STIP1: variants seen among roughly 807,000 people sequenced by gnomAD.
STIP1 encodes stress-induced-phosphoprotein 1.
A neutral mutation model predicts 77.4 loss-of-function variants in STIP1; 16 were observed. The observed-to-expected ratio is 0.21, with a 90% CI of 0.14 to 0.31. The LOEUF (loss-of-function observed/expected upper bound fraction) is 0.31. STIP1 is among the 10% of genes least tolerant of loss of function. The pLI is 1.00. For synonymous variants in STIP1, 258 were observed against 246.6 expected, an observed-to-expected ratio of 1.05 and a Z score of -0.44; for missense variants, 524 against 684.8, an observed-to-expected ratio of 0.77 and a Z score of 2.62.
rs1213744307 is a variant in STIP1 at position 64,191,298 on chromosome 11, G to A, written c.10-1780G>A. Among the ~76,000 whole-genome samples, 6 of 151,556 alleles carry A rather than the reference G, an allele frequency of 4.0e-5. No individual in the cohort carries two copies. In the East Asian group the frequency reaches 1.2e-3, roughly 30 times the overall value. On this transcript the variant is annotated intron_variant, in intron 1 of 13. Transcript: ENST00000305218. ...GCACTCCAGGCTGGTAACAGAGTGA[G>A]ATGCCATCTTTAAAAAAAAATAAAT... is the stretch of plus-strand genomic sequence containing the variant.
chr11:64,185,914 C>A (rs545010478), upstream of STIP1: 45 of 1,536,268 alleles, frequency 2.9e-5, no homozygotes, highest in Admixed American at 2.7e-4. Context: ...ATTGGCAGTG[C>A]AAAAGACCAA....
At position 64,195,910 on chromosome 11, in the gene STIP1, T is replaced by G. The variant is rs931385370; in HGVS notation, c.672+97T>G. 2.0e-6 allele frequency: 3 copies of G among 1,535,500 alleles called. No homozygotes were observed. In the African/African-American group the frequency reaches 4.1e-5, roughly 21 times the overall value. On this transcript the variant is annotated intron_variant, in intron 5 of 13. Transcript: ENST00000305218. Reference sequence around the variant, plus strand: ...TCTGTTGACCTTGATTGACCATGATTATTATGGTTTTTTTAGAGACGGAGT... The same window carrying G: ...TCTGTTGACCTTGATTGACCATGATGATTATGGTTTTTTTAGAGACGGAGT...
chr11:64,200,006 A>G lies in STIP1; in HGVS notation c.1090A>G (p.Lys364Glu), dbSNP rs755361367. The change falls in exon 9 of 14, where the codon AAG becomes GAG. Residue 364 changes from lysine to glutamate, a missense_variant. Physicochemically the swap from Lys to Glu is moderately conservative, Grantham distance 56 (BLOSUM62 1). Coordinates refer to ENST00000305218, the MANE Select transcript of STIP1 (RefSeq NM_006819.3). Reference sequence around the variant, plus strand: ...AAACCCCGACCTGGCTTTGGAGGAGAAGAACAAAGGCAACGAGTGTTTTCA... The same window carrying G: ...AAACCCCGACCTGGCTTTGGAGGAGGAGAACAAAGGCAACGAGTGTTTTCA... ...YINPDLALEE[K>E]NKGNECFQKG... 6.2e-7 allele frequency: 1 copy of G among 1,614,042 alleles called. No homozygotes were observed. The highest frequency in any genetic ancestry group is 8.5e-7 in the Non-Finnish European group (1 of 1,180,044).
rs982646709 is a variant in STIP1 at position 64,204,183 on chromosome 11, C to T, written c.*57C>T. ...CATGTGGAAAGAGGAGCTGGGACCG[C>T]GGCGAGCAGCACGGAGCGGAAGGGA... is the stretch of plus-strand genomic sequence containing the variant. On this transcript the variant is annotated 3_prime_UTR_variant, in exon 14 of 14. Coordinates refer to ENST00000305218, the MANE Select transcript of STIP1 (RefSeq NM_006819.3). 35 of 1,580,068 alleles carry T rather than the reference C, an allele frequency of 2.2e-5. No homozygotes were observed. The highest frequency in any genetic ancestry group is 3.4e-5 in the Admixed American group (2 of 59,386).
chr11:64,200,889 C>T (rs948990460), intron 10 of STIP1, among the ~76,000 whole-genome samples: 37 of 152,172 alleles, frequency 2.4e-4, no homozygotes, highest in African/African-American at 8.7e-4. Flanking sequence ...ACTGCAACCA[C>T]CATCTCCCGG....
At chr11:64,200,630 A>G (rs1310531123) in intron 10 of STIP1, among the ~76,000 whole-genome samples, 2 of 143,550 alleles carry the variant, frequency 1.4e-5, no homozygotes, top group African/African-American at 5.2e-5. Context: ...TGTGTGTGTA[A>G]AATATGGGAC....
intron 10 of STIP1, 33 bp from the exon 11 acceptor site, chr11:64,202,843 T>C (rs754602404): frequency 1.2e-6 from 2 of 1,612,206 alleles, no homozygotes; most frequent in Admixed American, 1.7e-5. Context: ...TCCAAGGGAA[T>C]GAGCCTAATT....
In STIP1 at chr11:64,204,502, G is replaced by A. The variant is rs191268570; in HGVS notation, c.*376G>A. 70 of 250,158 alleles carry A rather than the reference G, an allele frequency of 2.8e-4. No individual in the cohort carries two copies. The highest frequency in any genetic ancestry group is 8.1e-4 in the Admixed American group (15 of 18,490). 15.5% of individuals were successfully genotyped at this position (250,158 alleles called of 1,614,324 possible). A position where few individuals can be genotyped will look rare whatever the true frequency, so the allele number is the denominator to read the frequency against. On this transcript the variant is annotated 3_prime_UTR_variant, in exon 14 of 14. Transcript: ENST00000305218. ...AGCTGTCTCACGTTGTTTATTCTGCGTCCCCTTCTCCAATAAAACAAGCCA... is the reference window on the plus strand; with the variant it reads ...AGCTGTCTCACGTTGTTTATTCTGCATCCCCTTCTCCAATAAAACAAGCCA...
upstream of STIP1, chr11:64,186,168 G>T (rs934382649): frequency 2.7e-5 from 42 of 1,550,188 alleles, no homozygotes; most frequent in Non-Finnish European, 3.7e-5. Flanking sequence ...CCGGGGTCCC[G>T]GTAGCTTCTA....
At chr11:64,197,713 G>C (rs1946166616) in intron 7 of STIP1, 118 bp downstream of exon 7, 2 of 1,549,180 alleles carry the variant, frequency 1.3e-6, no homozygotes, top group Non-Finnish European at 1.8e-6. Context: ...TTAAGAAAGG[G>C]CTGGCAAGAA....
chr11:64,193,088 T>A lies in STIP1; in HGVS notation c.20T>A (p.Leu7Gln). The change falls in exon 2 of 14, where the codon CTG becomes CAG. Residue 7 changes from leucine to glutamine, a missense_variant. Transcript: ENST00000305218. ...TTCCTTTCCCCTCAGGTCAATGAGC[T>A]GAAGGAGAAAGGCAACAAGGCCCTG... MEQVNE[L>Q]KEKGNKALSV... 1 of 1,614,124 alleles carries A rather than the reference T, an allele frequency of 6.2e-7. No individual in the cohort carries two copies. Among genetic ancestry groups the A allele is most frequent in the Non-Finnish European group, 8.5e-7 (1 of 1,180,010 alleles).
At chr11:64,196,556 C>T (rs922257012) in intron 5 of STIP1, among the ~76,000 whole-genome samples, 5 of 152,246 alleles carry the variant, frequency 3.3e-5, no homozygotes, top group Non-Finnish European at 1.5e-5. Flanking sequence ...GAGTAATTCA[C>T]GTCCTTGTCG....
rs1448323830 is a variant in STIP1, at chr11:64,203,246, C to T, written c.1386+18C>T. ...GCTGTAAGGTGGGGCTGCTTCTGGC[C>T]TCCAGGGGCCCCCCCTGCCTCTTTC... On this transcript the variant is annotated intron_variant, in intron 12 of 13. Transcript: ENST00000305218. 6.2e-7 allele frequency: 1 copy of T among 1,612,688 alleles called. No homozygotes were observed. Among genetic ancestry groups the T allele is most frequent in the African/African-American group, 1.3e-5 (1 of 74,934 alleles).
Position 64,204,195 on chromosome 11 carries a change from C to A in STIP1, c.*69C>A. On this transcript the variant is annotated 3_prime_UTR_variant, in exon 14 of 14. Transcript: ENST00000305218. ...GGAGCTGGGACCGCGGCGAGCAGCA[C>A]GGAGCGGAAGGGAGAGCAGGGGAGA... 1 of 1,541,842 alleles carries A rather than the reference C, an allele frequency of 6.5e-7. No homozygotes were observed. The highest frequency in any genetic ancestry group is 8.9e-7 in the Non-Finnish European group (1 of 1,118,060).
chr11:64,202,940 T>C (rs1198832164), intron 11 of STIP1, 28 bp downstream of exon 11: 4 of 1,614,084 alleles, frequency 2.5e-6, no homozygotes, highest in Non-Finnish European at 3.4e-6. Flanking sequence ...GCCTGTCCCC[T>C]GTCTCTAGCC....
intron 5 of STIP1, among the ~76,000 whole-genome samples, chr11:64,196,391 A>C (rs1307819368): frequency 7.8e-6 from 1 of 127,480 alleles, no homozygotes; most frequent in Non-Finnish European, 1.7e-5. Context: ...GCGAGACTCC[A>C]TCTCAAAAAA....
At position 64,203,227 on chromosome 11, in the gene STIP1, A is replaced by T; in HGVS notation, c.1385A>T (p.Lys462Met). 1 of 1,613,856 alleles carries T rather than the reference A, an allele frequency of 6.2e-7. No homozygotes were observed. The highest frequency in any genetic ancestry group is 8.5e-7 in the Non-Finnish European group (1 of 1,180,038). ...GCGCTAGACCTGGACTCCAGCTGTAAGGTGGGGCTGCTTCTGGCCTCCAGG... is the reference window on the plus strand; with the variant it reads ...GCGCTAGACCTGGACTCCAGCTGTATGGTGGGGCTGCTTCTGGCCTCCAGG... ...QKALDLDSSC[K>M]EAADGYQRCM... Residue 462 changes from lysine (K) to methionine (M), a missense_variant and splice_region_variant, in exon 12 of 14, where the codon AAG becomes ATG. Physicochemically the swap from Lys to Met is moderately conservative, Grantham distance 95 (BLOSUM62 -1). Transcript: ENST00000305218.
Position 64,194,570 on chromosome 11 carries a change from C to G in STIP1, c.453C>G (p.Thr151=). The G allele has an allele frequency of 3.1e-6, 5 of 1,614,182 alleles. No individual in the cohort carries two copies. The highest frequency in any genetic ancestry group is 4.2e-6 in the Non-Finnish European group (5 of 1,180,020). ...PRTRTLLSDP[T]YRELIEQLRN... ...CAAGGACACTACTCAGTGATCCTAC[C>G]TACCGGGAGCTGATAGAGCAGCTAC... The change falls in exon 4 of 14, where the codon ACC becomes ACG. Residue 151 remains threonine (T), a synonymous_variant. Coordinates refer to ENST00000305218, the MANE Select transcript of STIP1 (RefSeq NM_006819.3).
rs960967716 is a variant in STIP1, at chr11:64,197,377, C to T, written c.779C>T (p.Thr260Ile). ...KAKELDPTNM[T>I]YITNQAAVYF... ...AAGGAGCTGGACCCCACTAACATGACTTACATTACCAATCAAGCAGGTGAG... is the reference window on the plus strand; with the variant it reads ...AAGGAGCTGGACCCCACTAACATGATTTACATTACCAATCAAGCAGGTGAG... The change falls in exon 6 of 14, where the codon ACT becomes ATT. Residue 260 changes from threonine to isoleucine, a missense_variant. Thr to Ile is a moderately conservative substitution (Grantham distance 89). Coordinates refer to ENST00000305218, the MANE Select transcript of STIP1 (RefSeq NM_006819.3). 18 of 1,613,854 alleles carry T rather than the reference C, an allele frequency of 1.1e-5. No homozygotes were observed. The highest frequency in any genetic ancestry group is 5.0e-5 in the Admixed American group (3 of 59,948).
Sources: allele counts gnomAD v4.1 joint callset (sites outside exome capture counted in the v4.1 genomes callset), GRCh38; gene constraint gnomAD v4.1.1; transcripts MANE v1.5; gene names NCBI Gene and HGNC (gene_info 2026-07-23, HGNC 2026-07-21).